POF1B: variants seen among roughly 807,000 people sequenced by gnomAD.
POF1B encodes the protein protein POF1B.
Under a neutral mutation model 55.3 loss-of-function variants are expected in POF1B, and 53 were observed. The ratio of observed to expected loss-of-function variants is 0.96; its 90% CI spans 0.77 to 1.20. The LOEUF (loss-of-function observed/expected upper bound fraction) is 1.20. Among genes scored for constraint, POF1B ranks in the 50% most tolerant of loss-of-function variants. The probability of loss-of-function intolerance (pLI) is 0.00; values close to 1 mark genes in which losing one functional copy is unlikely to be tolerated. For synonymous variants in POF1B, 188 were observed against 148.3 expected (o/e 1.27, Z -1.95); for missense variants, 478 against 420.5 (o/e 1.14, Z -1.20).
intron 7 of POF1B, among the ~76,000 whole-genome samples, chrX:85,323,297 G>T (rs1320077590): frequency 9.1e-6 from 1 of 110,487 alleles, no homozygotes; most frequent in Non-Finnish European, 1.9e-5. Flanking sequence ...CTTTTGTAGG[G>T]ACATGGATGA....
At chrX:85,323,623 A>G (rs1410759961) in intron 7 of POF1B, among the ~76,000 whole-genome samples, 1 of 91,905 alleles carries the variant, frequency 1.1e-5, no homozygotes, top group Non-Finnish European at 2.5e-5. Context: ...TAAAAAAATA[A>G]AAAAAAATGT....
intron 3 of POF1B, among the ~76,000 whole-genome samples, chrX:85,362,776 G>T (rs1479275346): frequency 1.8e-5 from 2 of 111,325 alleles, no homozygotes; most frequent in African/African-American, 6.5e-5. Context: ...ATTTGGGGAG[G>T]AGTCCCACCT....
At chrX:85,368,517 C>T (rs1044042292) in intron 2 of POF1B, among the ~76,000 whole-genome samples, 5 of 110,773 alleles carry the variant, frequency 4.5e-5, no homozygotes, top group African/African-American at 9.8e-5. Flanking sequence ...TTTTAAAGTA[C>T]CTTTGAAGAA....
chrX:85,280,715 C>A (rs938261957), intron 16 of POF1B, among the ~76,000 whole-genome samples: 2 of 111,268 alleles, frequency 1.8e-5, no homozygotes, highest in African/African-American at 3.3e-5. Context: ...GATTTGAGAA[C>A]TAGAATCCTC....
In POF1B at chrX:85,379,209, G is replaced by A. The variant is rs750902510; in HGVS notation, c.246C>T (p.Ser82=). ...CGCTCCAAACCAAATTTTGGTAGGA[G>A]GAGGTGGTTTTGAGAGGGGAGAGCA... The part of the protein sequence containing the change: ...REVLSPLKTT[S]SYQNLVWSDH... The change falls in exon 2 of 17, where the codon TCC becomes TCT. Residue 82 remains serine (S), a synonymous_variant. Coordinates refer to ENST00000262753, the MANE Select transcript of POF1B (RefSeq NM_024921.4). The A allele has an allele frequency of 8.3e-7, 1 of 1,211,426 alleles. No homozygotes were observed. Among genetic ancestry groups the A allele is most frequent in the Admixed American group, 2.2e-5 (1 of 45,966 alleles).
In POF1B at chrX:85,277,404, C is replaced by T. The variant is rs906344526; in HGVS notation, c.*2017G>A. Reference sequence around the variant, plus strand: ...CATCATGGAGAATTGGGTATCCATCCACTCAAGTATTTATTTGTGTTACAA... The same window carrying T: ...CATCATGGAGAATTGGGTATCCATCTACTCAAGTATTTATTTGTGTTACAA... On this transcript the variant is annotated 3_prime_UTR_variant, in exon 17 of 17. Transcript: ENST00000262753. The T allele has an allele frequency of 1.8e-5, 2 of 110,584 alleles. No homozygotes were observed. Among genetic ancestry groups the T allele is most frequent in the Admixed American group, 1.9e-4 (2 of 10,355 alleles). 9.1% of individuals were successfully genotyped at this position (110,584 alleles called of 1,213,427 possible). A position where few individuals can be genotyped will look rare whatever the true frequency, so the allele number is the denominator to read the frequency against.
At chrX:85,363,406 C>T (rs1933661663) in intron 3 of POF1B, among the ~76,000 whole-genome samples, 1 of 111,468 alleles carries the variant, frequency 9.0e-6, no homozygotes, top group African/African-American at 3.3e-5. Flanking sequence ...TCCCTCTTAA[C>T]ACTGCCTTAG....
At position 85,379,430 on chromosome X, in the gene POF1B, T is replaced by G. The variant is rs2090923589; in HGVS notation, c.25A>C (p.Thr9Pro). The G allele has an allele frequency of 8.3e-7, 1 of 1,206,834 alleles. No homozygotes were observed. The highest frequency in any genetic ancestry group is 1.1e-6 in the Non-Finnish European group (1 of 894,590). The stretch of plus-strand genomic sequence containing the variant: ...TGGGTTCCACAGCTGCTGCTGCTCG[T>G]CTCACTCCAATAGCTCGAGCTCATC... Reference protein sequence around the residue: MSSSYWSETSSSSCGTQQL... With the variant: MSSSYWSEPSSSSCGTQQL... The change falls in exon 2 of 17, where the codon ACG (threonine) becomes CCG (proline). Residue 9 changes from threonine (T) to proline (P), a missense_variant. Coordinates refer to ENST00000262753, the MANE Select transcript of POF1B (RefSeq NM_024921.4).
chrX:85,285,811 T>A (rs746644278), intron 15 of POF1B, among the ~76,000 whole-genome samples: 130 of 111,381 alleles, frequency 1.2e-3, no homozygotes, highest in African/African-American at 4.0e-3. Flanking sequence ...AAAAAATTTT[T>A]AAAAATGACC....
chrX:85,280,963 T>C (rs1931883166), intron 16 of POF1B, among the ~76,000 whole-genome samples: 1 of 110,773 alleles, frequency 9.0e-6, no homozygotes, highest in African/African-American at 3.3e-5. Context: ...CCTAGTTCTC[T>C]AACCACTAGA....
intron 14 of POF1B, among the ~76,000 whole-genome samples, 156 bp downstream of exon 14, chrX:85,304,187 A>G (rs1459673139): frequency 9.0e-6 from 1 of 111,446 alleles, no homozygotes; most frequent in African/African-American, 3.2e-5. Flanking sequence ...TGAAATATGT[A>G]TATTCTACTT....
In POF1B at chrX:85,347,614, T is replaced by C. The variant is rs766956956; in HGVS notation, c.541-1572A>G. 8.1e-5 allele frequency among the ~76,000 whole-genome samples: 9 copies of C among 110,945 alleles called. No homozygotes were observed. The South Asian group carries it at 2.2e-3, about 28-fold the overall frequency. On this transcript the variant is annotated intron_variant, in intron 5 of 16. Transcript: ENST00000262753. ...TTTCAATGTTTTTTATACTTTAAAA[T>C]TTTTCCATGTATAAAAATTACCTTT...
At chrX:85,309,848 AAG>A (rs1932658873) in intron 9 of POF1B, among the ~76,000 whole-genome samples, 1 of 111,768 alleles carries the variant, frequency 8.9e-6, no homozygotes, top group Admixed American at 9.5e-5. Context: ...AGACAGAGTG[AAG>A]AATGGTGCTT....
chrX:85,376,076 A>G (rs764532711), intron 2 of POF1B, among the ~76,000 whole-genome samples: 1 of 111,615 alleles, frequency 9.0e-6, no homozygotes, highest in South Asian at 3.7e-4. Flanking sequence ...TATCCAGAAA[A>G]TCACAGTGTT....
At chrX:85,331,831 G>A (rs915529385) in intron 6 of POF1B, among the ~76,000 whole-genome samples, 3 of 111,105 alleles carry the variant, frequency 2.7e-5, no homozygotes, top group Non-Finnish European at 5.7e-5. Flanking sequence ...CCCCATATAA[G>A]TGAGAACATG....
At chrX:85,359,753 T>C (rs1180471136) in intron 3 of POF1B, 123 bp from the exon 4 acceptor site, 2 of 446,882 alleles carry the variant, frequency 4.5e-6, no homozygotes, top group Admixed American at 9.1e-5. Flanking sequence ...TGATAATGTA[T>C]GATTTTATGA....
At chrX:85,338,099 TATA>T (rs781453083) in intron 6 of POF1B, among the ~76,000 whole-genome samples, 3 of 111,361 alleles carry the variant, frequency 2.7e-5, no homozygotes, top group Admixed American at 9.6e-5. Context: ...GGTGCCTGAA[TATA>T]ATAAGTCCTA....
intron 7 of POF1B, among the ~76,000 whole-genome samples, chrX:85,322,469 T>A (rs945450229): frequency 8.9e-6 from 1 of 111,754 alleles, no homozygotes; most frequent in African/African-American, 3.3e-5. Context: ...ACTTAAACAT[T>A]AGACCTAAAA....
At chrX:85,322,239 A>C (rs1423053891) in intron 7 of POF1B, among the ~76,000 whole-genome samples, 1 of 111,306 alleles carries the variant, frequency 9.0e-6, no homozygotes, top group Non-Finnish European at 1.9e-5. Flanking sequence ...CCGGTACCAA[A>C]AGAGAGATAT....
Sources: gnomAD v4.1 joint callset for allele counts (sites outside exome capture counted in the v4.1 genomes callset) on GRCh38, gnomAD v4.1.1 for gene constraint, MANE v1.5 for transcripts, NCBI Gene and HGNC (gene_info 2026-07-23, HGNC 2026-07-21) for gene names.